FAM78B: variants seen among roughly 807,000 people sequenced by gnomAD.
FAM78B encodes protein FAM78B.
A neutral mutation model predicts 20.0 loss-of-function variants in FAM78B; 10 were observed. The ratio of observed to expected loss-of-function variants is 0.50; its 90% CI spans 0.31 to 0.85. The LOEUF is 0.85. Among genes scored for constraint, FAM78B ranks in the 40% least tolerant of loss-of-function variants. The pLI is 0.05. For synonymous variants in FAM78B, 135 were observed against 132.8 expected (o/e 1.02, Z -0.12); for missense variants, 283 against 345.0 (o/e 0.82, Z 1.42).
intron 1 of FAM78B, among the ~76,000 whole-genome samples, chr1:166,089,087 C>T (rs973084181): frequency 1.3e-5 from 2 of 152,204 alleles, no homozygotes; most frequent in South Asian, 2.1e-4. Flanking sequence ...TTTCCCACTG[C>T]TCCCTTGGGC....
chr1:166,160,357 CACA>C (rs1426550034), intron 1 of FAM78B, among the ~76,000 whole-genome samples: 2 of 152,302 alleles, frequency 1.3e-5, no homozygotes, highest in African/African-American at 4.8e-5. Flanking sequence ...GGAACAGTGC[CACA>C]ACAAGGTCTC....
exon 3 of FAM78B, chr1:166,059,366 G>A (rs1651483214): frequency 6.6e-6 from 1 of 152,436 alleles, no homozygotes; most frequent in Non-Finnish European, 1.5e-5. Flanking sequence ...GAATCTGGGT[G>A]GGGAGGGGCA....
downstream of FAM78B, among the ~76,000 whole-genome samples, chr1:166,064,661 G>C (rs1354337879): frequency 1.3e-5 from 2 of 152,214 alleles, 1 homozygote; most frequent in Non-Finnish European, 2.9e-5. Context: ...TTGGCAGTAA[G>C]AGTGAGTTCT....
intron 1 of FAM78B, among the ~76,000 whole-genome samples, chr1:166,152,888 G>A (rs1286282680): frequency 6.6e-6 from 1 of 152,006 alleles, no homozygotes; most frequent in Non-Finnish European, 1.5e-5. Flanking sequence ...ATGTTGGCCA[G>A]GATGGTCTCG....
intron 1 of FAM78B, among the ~76,000 whole-genome samples, chr1:166,160,640 T>C (rs1285070014): frequency 6.6e-6 from 1 of 152,256 alleles, no homozygotes; most frequent in East Asian, 1.9e-4. Context: ...GGCTTAGGTT[T>C]AACATGAAAA....
At position 166,070,088 on chromosome 1, in the gene FAM78B, G is replaced by C. The variant is rs1424977308; in HGVS notation, c.*153C>G. Reference sequence around the variant, plus strand: ...TAAGGATTATGGTTCTACCACCCAAGGAGCAGCCCTACTCTTCAAAAGTGG... The same window carrying C: ...TAAGGATTATGGTTCTACCACCCAACGAGCAGCCCTACTCTTCAAAAGTGG... On this transcript the variant is annotated 3_prime_UTR_variant, in exon 2 of 2. Transcript: ENST00000354422. 4 of 1,330,968 alleles carry C rather than the reference G, an allele frequency of 3.0e-6. No individual in the cohort carries two copies. Among genetic ancestry groups the C allele is most frequent in the Non-Finnish European group, 3.9e-6 (4 of 1,035,046 alleles). 82.4% of individuals were successfully genotyped at this position (1,330,968 alleles called of 1,614,324 possible).
intron 1 of FAM78B, among the ~76,000 whole-genome samples, chr1:166,117,539 C>T (rs903218115): frequency 3.3e-5 from 5 of 152,042 alleles, no homozygotes; most frequent in African/African-American, 1.2e-4. Flanking sequence ...CTTCTAGGGG[C>T]CCCATTTCTT....
At chr1:166,060,158 G>A (rs1243149761) in exon 3 of FAM78B, 1 of 185,606 alleles carries the variant, frequency 5.4e-6, no homozygotes, top group African/African-American at 2.4e-5. Context: ...GAGAAACCTA[G>A]AGAGGCCACC....
intron 1 of FAM78B, among the ~76,000 whole-genome samples, chr1:166,161,272 G>C (rs540125421): frequency 6.6e-6 from 1 of 152,068 alleles, no homozygotes; most frequent in East Asian, 1.9e-4. Flanking sequence ...TCAGCCACCA[G>C]AGTAAATGGG....
intron 1 of FAM78B, among the ~76,000 whole-genome samples, chr1:166,073,053 A>ACAAAAACAAAAAC (rs1368100918): frequency 6.6e-6 from 1 of 152,218 alleles, no homozygotes; most frequent in Non-Finnish European, 1.5e-5. Flanking sequence ...AACAACAACA[A>ACAAAAACAAAAAC]AACAACAAAA....
At chr1:166,150,350 T>C (rs974355039) in intron 1 of FAM78B, among the ~76,000 whole-genome samples, 25 of 152,206 alleles carry the variant, frequency 1.6e-4, no homozygotes, top group South Asian at 2.1e-4. Context: ...GCAGCTTGCT[T>C]TGAAAGACAG....
intron 1 of FAM78B, among the ~76,000 whole-genome samples, chr1:166,132,862 C>CA (rs1654925256): frequency 6.6e-6 from 1 of 152,148 alleles, no homozygotes; most frequent in Admixed American, 6.5e-5. Context: ...ATGAGTGTGA[C>CA]AAAACTGCTT....
rs73046947 is a variant in FAM78B at position 166,155,190 on chromosome 1, A to C, written c.263+10796T>G. Among the ~76,000 whole-genome samples, 366 of 152,360 alleles carry C rather than the reference A, an allele frequency of 2.4e-3. 1 individual carries two copies. Among genetic ancestry groups the C allele is most frequent in the African/African-American group, 8.2e-3 (342 of 41,584 alleles). Reference sequence around the variant, plus strand: ...AGTCTCCTCAGCAAGGACGAAAGCAAACACTCAAGCAATATCCTGAATACT... The same window carrying C: ...AGTCTCCTCAGCAAGGACGAAAGCACACACTCAAGCAATATCCTGAATACT... On this transcript the variant is annotated intron_variant, in intron 1 of 1. Transcript: ENST00000354422.
At chr1:166,097,322 A>G (rs1653323697) in intron 1 of FAM78B, among the ~76,000 whole-genome samples, 1 of 152,150 alleles carries the variant, frequency 6.6e-6, no homozygotes, top group African/African-American at 2.4e-5. Flanking sequence ...CTCTAGCTTA[A>G]CTCTGCAACA....
chr1:166,078,431 G>A (rs1652422124), intron 1 of FAM78B, among the ~76,000 whole-genome samples: 1 of 152,170 alleles, frequency 6.6e-6, no homozygotes, highest in Non-Finnish European at 1.5e-5. Flanking sequence ...TTGACCCAAA[G>A]CTCACAGCTA....
Position 166,166,687 on chromosome 1 carries a change from TGCCTCCGCGGCGGCAGCAGCAGCA to T in FAM78B, c.-463_-440del, listed in dbSNP as rs1010992956. On this transcript the variant is annotated 5_prime_UTR_variant, in exon 1 of 2. Transcript: ENST00000354422. ...CGGCGGTGGCAGCGCCCGGTCTGTC[TGCCTCCGCGGCGGCAGCAGCAGCA>T]GCCGCCGCCGCCGCCGCCGCTGCAT... is the stretch of plus-strand genomic sequence containing the variant. 3 of 148,908 alleles carry T rather than the reference TGCCTCCGCGGCGGCAGCAGCAGCA, an allele frequency of 2.0e-5. No individual in the cohort carries two copies. Among genetic ancestry groups the T allele is most frequent in the East Asian group, 2.0e-4 (1 of 4,960 alleles). The allele number at this position is 148,908 out of a possible 1,614,324, so 9.2% of individuals were successfully genotyped here.
intron 1 of FAM78B, among the ~76,000 whole-genome samples, chr1:166,138,432 AT>A (rs1270843240): frequency 6.6e-6 from 1 of 151,908 alleles, no homozygotes; most frequent in Non-Finnish European, 1.5e-5. Flanking sequence ...CTAAAGTACT[AT>A]TTTTTAGGTG....
At chr1:166,149,815 G>C (rs1297549255) in intron 1 of FAM78B, among the ~76,000 whole-genome samples, 1 of 152,112 alleles carries the variant, frequency 6.6e-6, no homozygotes, top group African/African-American at 2.4e-5. Flanking sequence ...GTGTCAGCCT[G>C]CTGAGTGCAG....
At position 166,109,872 on chromosome 1, in the gene FAM78B, A is replaced by ATG. The variant is rs1557903288; in HGVS notation, c.264-39110_264-39109insCA. Among the ~76,000 whole-genome samples the ATG allele has an allele frequency of 5.6e-4, 12 of 21,382 alleles. 1 individual carries two copies. The highest frequency in any genetic ancestry group is 2.1e-3 in the South Asian group (1 of 476). The allele number at this position is 21,382 out of a possible 152,430, so 14.0% of individuals were successfully genotyped here. On this transcript the variant is annotated intron_variant, in intron 1 of 1. Transcript: ENST00000354422. ...TATATATATATATATGTATGTGTAT[A>ATG]TATATATATGTATATATGTATATAT...
Sources: gnomAD v4.1 joint callset for allele counts (sites outside exome capture counted in the v4.1 genomes callset) on GRCh38, gnomAD v4.1.1 for gene constraint, MANE v1.5 for transcripts, NCBI Gene and HGNC (gene_info 2026-07-23, HGNC 2026-07-21) for gene names.